The following MYO18A variants were observed in gnomAD, a reference collection of about 807,000 sequenced individuals.
The protein encoded by MYO18A is unconventional myosin-XVIIIa.
In MYO18A, 78 loss-of-function variants were observed where a neutral mutation model predicts 235.8. That is an observed-to-expected ratio of 0.33 (90% CI 0.28 to 0.40). MYO18A has a LOEUF of 0.40. MYO18A is among the 10% of genes least tolerant of loss of function. The pLI is 1.00. For missense variants in MYO18A, 2,215 were observed against 2,699.3 expected (o/e 0.82, Z 3.98); for synonymous variants, 977 against 1,077.8 (o/e 0.91, Z 1.83).
chr17:29,094,596 G>T, intron 30 of MYO18A, 54 bp downstream of exon 30: 1 of 1,577,996 alleles, frequency 6.3e-7, no homozygotes, highest in Non-Finnish European at 8.7e-7. Context: ...TGGCTGTGGG[G>T]ATGGTGGCGG....
intron 15 of MYO18A, 138 bp from the exon 16 acceptor site, chr17:29,112,001 C>T (rs2066941544): frequency 7.9e-6 from 9 of 1,132,188 alleles, no homozygotes; most frequent in South Asian, 3.2e-5. Context: ...CAGCTCCTGC[C>T]GCTCACTGCT....
At position 29,094,665 on chromosome 17, in the gene MYO18A, G is replaced by A. The variant is rs1308907236; in HGVS notation, c.4695C>T (p.Ile1565=). The part of the protein sequence containing the change: ...EEELDEQAGT[I]QMLEQAKLRL... ...CCTCCTGTACCTGTTCCAGCATCTG[G>A]ATGGTCCCTGCCTGCTCATCCAGCT... Residue 1565 remains isoleucine (I), a synonymous_variant, in exon 30 of 42, where the codon ATC becomes ATT. Transcript: ENST00000527372. The A allele has an allele frequency of 2.5e-6, 4 of 1,614,018 alleles. No individual in the cohort carries two copies. The highest frequency in any genetic ancestry group is 3.4e-6 in the Non-Finnish European group (4 of 1,179,888).
chr17:29,150,960 G>C (rs114537870), intron 2 of MYO18A, among the ~76,000 whole-genome samples: 4,304 of 152,334 alleles, frequency 0.028, 215 homozygotes, highest in African/African-American at 0.097. Context: ...GGGGAGGAGA[G>C]AGGAGGAAGA....
chr17:29,140,416 A>G lies in MYO18A; in HGVS notation c.1000-18163T>C, dbSNP rs1353778434. 1 of 1,280,756 alleles carries G rather than the reference A, an allele frequency of 7.8e-7. No homozygotes were observed. Among genetic ancestry groups the G allele is most frequent in the South Asian group, 1.3e-5 (1 of 79,992 alleles). 79.3% of individuals were successfully genotyped at this position (1,280,756 alleles called of 1,614,324 possible). Reference sequence around the variant, plus strand: ...CTGCTCTGGCTCCGTTAGCAGCTCAAAATAGCACAGGCTGTGGCCCCGCCC... The same window carrying G: ...CTGCTCTGGCTCCGTTAGCAGCTCAGAATAGCACAGGCTGTGGCCCCGCCC... On this transcript the variant is annotated intron_variant, in intron 2 of 41. Transcript: ENST00000527372. This position sits in a 1 kb window ranked among gnomAD's most constrained non-coding sequence, Gnocchi z 4.2.
intron 19 of MYO18A, among the ~76,000 whole-genome samples, chr17:29,108,855 C>T (rs1024463868): frequency 3.3e-5 from 5 of 152,152 alleles, no homozygotes; most frequent in Admixed American, 1.3e-4. Context: ...GGGGGCCTGC[C>T]GCTGCTGGCC....
intron 20 of MYO18A, among the ~76,000 whole-genome samples, chr17:29,104,534 T>G (rs1218438221): frequency 6.6e-6 from 1 of 151,814 alleles, no homozygotes; most frequent in Non-Finnish European, 1.5e-5. Context: ...AGGGGTAGGG[T>G]AGAGAAGTCC....
intron 2 of MYO18A, among the ~76,000 whole-genome samples, chr17:29,134,433 A>G (rs2067546094): frequency 6.6e-6 from 1 of 152,130 alleles, no homozygotes; most frequent in Admixed American, 6.5e-5. Context: ...GCCTCTCTGT[A>G]GAATTAGGGG....
intron 2 of MYO18A, among the ~76,000 whole-genome samples, chr17:29,161,152 C>T (rs2068163412): frequency 6.6e-6 from 1 of 151,968 alleles, no homozygotes; most frequent in Non-Finnish European, 1.5e-5. Flanking sequence ...GTCAGGAGTT[C>T]GAGACCAGCC....
intron 14 of MYO18A, among the ~76,000 whole-genome samples, chr17:29,114,596 G>C (rs1598327075): frequency 6.6e-6 from 1 of 152,168 alleles, no homozygotes; most frequent in East Asian, 1.9e-4. Flanking sequence ...GCCAGGCCCA[G>C]ACACACTTGG....
intron 1 of MYO18A, among the ~76,000 whole-genome samples, chr17:29,173,245 A>G (rs1246423115): frequency 2.0e-5 from 3 of 151,780 alleles, no homozygotes; most frequent in Non-Finnish European, 4.4e-5. Flanking sequence ...GGCATGCGCC[A>G]CCATGACCGG....
chr17:29,139,570 C>T (rs1276393498), intron 2 of MYO18A, among the ~76,000 whole-genome samples: 1 of 152,172 alleles, frequency 6.6e-6, no homozygotes, highest in Non-Finnish European at 1.5e-5. Flanking sequence ...GGCCAGCCCA[C>T]GTACTCTGCC....
chr17:29,114,232 T>C (rs760305159), intron 14 of MYO18A, 135 bp from the exon 15 acceptor site: 2 of 646,506 alleles, frequency 3.1e-6, no homozygotes, highest in East Asian at 5.6e-5. Flanking sequence ...CCCTCCATCA[T>C]CCCAAATGAA....
intron 1 of MYO18A, among the ~76,000 whole-genome samples, chr17:29,174,006 C>T (rs2068466762): frequency 1.3e-5 from 2 of 151,492 alleles, no homozygotes; most frequent in South Asian, 2.1e-4. Context: ...ACTCCTGGCC[C>T]CAAGCAATCC....
intron 2 of MYO18A, among the ~76,000 whole-genome samples, chr17:29,137,834 T>A (rs2067640854): frequency 6.6e-6 from 1 of 152,164 alleles, no homozygotes; most frequent in South Asian, 2.1e-4. Flanking sequence ...TTGTAAACTG[T>A]GTGAATTAGA....
chr17:29,097,445 G>A, intron 26 of MYO18A, 95 bp from the exon 27 acceptor site: 3 of 1,517,682 alleles, frequency 2.0e-6, no homozygotes, highest in African/African-American at 2.7e-5. Flanking sequence ...AGCAGCAGGT[G>A]GAGTCAGCCA....
intron 2 of MYO18A, 115 bp downstream of exon 2, chr17:29,165,827 C>T: frequency 9.8e-7 from 1 of 1,021,936 alleles, no homozygotes; most frequent in Non-Finnish European, 1.4e-6. Context: ...GGCTTCCCCA[C>T]TTACACACTG....
In MYO18A at chr17:29,118,558, C is replaced by G. The variant is rs55776954; in HGVS notation, c.1830-118G>C. The G allele has an allele frequency of 2.3e-6, 2 of 863,296 alleles. No individual in the cohort carries two copies. The highest frequency in any genetic ancestry group is 3.7e-6 in the Non-Finnish European group (2 of 545,860). The allele number at this position is 863,296 out of a possible 1,614,324, so 53.5% of individuals were successfully genotyped here. A position where few individuals can be genotyped will look rare whatever the true frequency, so the allele number is the denominator to read the frequency against. ...ACTCCAAGTTTTGTCTGCCCATCAT[C>G]CCATCATCCCCAACTGGCGGGCCAG... is the stretch of plus-strand genomic sequence containing the variant. On this transcript the variant is annotated intron_variant, in intron 8 of 41. Coordinates refer to ENST00000527372, the MANE Select transcript of MYO18A (RefSeq NM_078471.4). The surrounding 1 kb of genome is among the most constrained non-coding windows in gnomAD (Gnocchi z 4.2).
intron 11 of MYO18A, 97 bp downstream of exon 11, chr17:29,116,347 C>T: frequency 6.7e-7 from 1 of 1,497,010 alleles, no homozygotes; most frequent in Non-Finnish European, 9.3e-7. Flanking sequence ...AAAAAAGCCA[C>T]AGGGGAAAGG....
At chr17:29,087,145 A>G (rs2066275577) in intron 37 of MYO18A, 24 bp from the exon 38 acceptor site, 1 of 1,602,040 alleles carries the variant, frequency 6.2e-7, no homozygotes, top group Non-Finnish European at 8.5e-7. Flanking sequence ...TGGGGAAGAA[A>G]GACACAGCAG....
Sources: gnomAD v4.1 joint callset for allele counts (sites outside exome capture counted in the v4.1 genomes callset) on GRCh38, gnomAD v4.1.1 for gene constraint, Gnocchi (gnomAD v3.1) non-coding constraint, MANE v1.5 for transcripts, NCBI Gene and HGNC (gene_info 2026-07-23, HGNC 2026-07-21) for gene names.